Variants in ZCCHC8 observed in about 807,000 individuals in gnomAD.
ZCCHC8 encodes zinc finger CCHC domain-containing protein 8.
Under a neutral mutation model 70.6 loss-of-function variants are expected in ZCCHC8, and 27 were observed. The observed-to-expected ratio is 0.38, with a 90% CI of 0.28 to 0.53. The LOEUF (loss-of-function observed/expected upper bound fraction) is 0.53, where lower values mean the gene tolerates loss of function less well. ZCCHC8 is among the 20% of genes least tolerant of loss of function. The pLI, the probability that ZCCHC8 is intolerant of heterozygous loss-of-function variation, is 0.81. For synonymous variants in ZCCHC8, 293 were observed against 317.4 expected (o/e 0.92, Z 0.82); for missense variants, 737 against 876.9 (o/e 0.84, Z 2.01).
intron 2 of ZCCHC8, among the ~76,000 whole-genome samples, chr12:122,497,596 T>G (rs1394032447): frequency 6.6e-6 from 1 of 152,118 alleles, no homozygotes; most frequent in Non-Finnish European, 1.5e-5. Flanking sequence ...TCATGGCACC[T>G]CCAAATTCTG....
At chr12:122,495,827 G>A (rs1338506886) in intron 2 of ZCCHC8, among the ~76,000 whole-genome samples, 2 of 119,646 alleles carry the variant, frequency 1.7e-5, no homozygotes, top group Non-Finnish European at 3.3e-5. Flanking sequence ...CAGCCTGGGC[G>A]ATAGAGTGAC....
At position 122,500,906 on chromosome 12, in the gene ZCCHC8, G is replaced by A. The variant is rs908827126; in HGVS notation, c.-66C>T. On this transcript the variant is annotated 5_prime_UTR_variant, in exon 1 of 14. Transcript: ENST00000633063. The surrounding 1 kb of genome is among the most constrained non-coding windows in gnomAD (Gnocchi z 4.8). The stretch of plus-strand genomic sequence containing the variant: ...CACCAGGGCTTGGGGAAGAAGGTTG[G>A]AAGGCGGCACCACTCTCTAGAGCTC... 6 of 1,510,384 alleles carry A rather than the reference G, an allele frequency of 4.0e-6. No individual in the cohort carries two copies. In the African/African-American group the frequency reaches 8.3e-5, roughly 21 times the overall value. The allele number at this position is 1,510,384 out of a possible 1,614,324, so 93.6% of individuals were successfully genotyped here. A position where few individuals can be genotyped will look rare whatever the true frequency, so the allele number is the denominator to read the frequency against.
chr12:122,489,340 G>A, intron 5 of ZCCHC8, 46 bp downstream of exon 5: 1 of 1,579,102 alleles, frequency 6.3e-7, no homozygotes, highest in Non-Finnish European at 8.7e-7. Flanking sequence ...ACATAGGATA[G>A]GAAACACCTA....
chr12:122,491,742 C>A (rs1216268942), intron 3 of ZCCHC8, among the ~76,000 whole-genome samples: 1 of 151,306 alleles, frequency 6.6e-6, no homozygotes, highest in African/African-American at 2.4e-5. Context: ...GCAGGAGAAT[C>A]ACTTGAACCT....
chr12:122,498,714 A>C, intron 2 of ZCCHC8, 113 bp downstream of exon 2: 1 of 1,049,558 alleles, frequency 9.5e-7, no homozygotes, highest in Non-Finnish European at 1.4e-6. Flanking sequence ...ATGCTAAACA[A>C]ATAAAAATGA....
At chr12:122,493,458 T>C (rs1957780167) in intron 2 of ZCCHC8, among the ~76,000 whole-genome samples, 1 of 152,212 alleles carries the variant, frequency 6.6e-6, no homozygotes, top group South Asian at 2.1e-4. Flanking sequence ...TCTCGCTCTG[T>C]TGCCCAGGCT....
Position 122,500,846 on chromosome 12 carries a change from G to C in ZCCHC8, c.-6C>G. On this transcript the variant is annotated 5_prime_UTR_variant, in exon 1 of 14. Coordinates refer to ENST00000633063, the MANE Select transcript of ZCCHC8 (RefSeq NM_017612.5). This position sits in a 1 kb window ranked among gnomAD's most constrained non-coding sequence, Gnocchi z 4.8. ...AAATACACCTCTGCGGCCATTTTGG[G>C]CTGTGGAAAAGATTCGAGAAGAGGC... 3 of 1,563,476 alleles carry C rather than the reference G, an allele frequency of 1.9e-6. No individual in the cohort carries two copies. The highest frequency in any genetic ancestry group is 2.6e-6 in the Non-Finnish European group (3 of 1,154,332).
chr12:122,481,538 T>C lies in ZCCHC8; in HGVS notation c.1002A>G (p.Ala334=). The part of the protein sequence containing the change: ...KEAELENSGL[A]LYDGKDGTDG... ...ATACTATACCTTTTCCATCATAGAG[T>C]GCAAGCCCCGAATTCTCCAATTCAG... Residue 334 remains alanine, a synonymous_variant, in exon 10 of 14, where the codon GCA becomes GCG. Coordinates refer to ENST00000633063, the MANE Select transcript of ZCCHC8 (RefSeq NM_017612.5). The C allele has an allele frequency of 6.2e-7, 1 of 1,613,246 alleles. No individual in the cohort carries two copies. The highest frequency in any genetic ancestry group is 8.5e-7 in the Non-Finnish European group (1 of 1,179,770).
In ZCCHC8 at chr12:122,489,128, A is replaced by C. The variant is rs144439837; in HGVS notation, c.501+258T>G. 2.8e-3 allele frequency among the ~76,000 whole-genome samples: 425 copies of C among 152,240 alleles called. No homozygotes were observed. The highest frequency in any genetic ancestry group is 8.9e-3 in the African/African-American group (371 of 41,534). On this transcript the variant is annotated intron_variant, in intron 5 of 13. Transcript: ENST00000633063. ...AGCATGCTTTCTATATCTTCATCCAACTTCTTGAATAAACACAGTGGTTGG... is the reference window on the plus strand; with the variant it reads ...AGCATGCTTTCTATATCTTCATCCACCTTCTTGAATAAACACAGTGGTTGG...
chr12:122,482,296 GT>G, intron 8 of ZCCHC8: 1 of 475,848 alleles, frequency 2.1e-6, no homozygotes, highest in Non-Finnish European at 3.5e-6. Flanking sequence ...ATTAAATCAA[GT>G]TTTTAGGATA....
chr12:122,477,893 C>T lies in ZCCHC8; in HGVS notation c.1293G>A (p.Gln431=). ...ATCCCGCTGAGTTGCTTTCATTCTT[C>T]TGCTTCTTTGGACTACCTGGGCTAG... ...SHSSPGSPKK[Q]KNESNSAGSP... The change falls in exon 13 of 14, where the codon CAG becomes CAA. Residue 431 remains glutamine (Q), a synonymous_variant. Coordinates refer to ENST00000633063, the MANE Select transcript of ZCCHC8 (RefSeq NM_017612.5). The T allele has an allele frequency of 6.2e-7, 1 of 1,613,504 alleles. No individual in the cohort carries two copies. The highest frequency in any genetic ancestry group is 8.5e-7 in the Non-Finnish European group (1 of 1,179,704).
rs752519392 is a variant in ZCCHC8 at position 122,483,216 on chromosome 12, CA to C, written c.671+62del. The C allele has an allele frequency of 4.7e-6, 7 of 1,474,504 alleles. No individual in the cohort carries two copies. Among genetic ancestry groups the C allele is most frequent in the Non-Finnish European group, 6.4e-6 (7 of 1,085,358 alleles). The allele number at this position is 1,474,504 out of a possible 1,614,324, so 91.3% of individuals were successfully genotyped here. A position where few individuals can be genotyped will look rare whatever the true frequency, so the allele number is the denominator to read the frequency against. On this transcript the variant is annotated intron_variant, in intron 7 of 13. Transcript: ENST00000633063. This position sits in a 1 kb window ranked among gnomAD's most constrained non-coding sequence, Gnocchi z 4.4. ...AGTAAAGAACATGAACTTTTCAAGC[CA>C]AAAGTTTATGATTTTGGTTAAAAAA...
intron 2 of ZCCHC8, among the ~76,000 whole-genome samples, chr12:122,493,351 T>C (rs1266298288): frequency 6.6e-6 from 1 of 152,154 alleles, no homozygotes. Context: ...ACCAAACAGT[T>C]TGTCTAATGG....
intron 11 of ZCCHC8, 159 bp from the exon 12 acceptor site, chr12:122,478,451 A>C: frequency 1.6e-6 from 1 of 612,450 alleles, no homozygotes; most frequent in Non-Finnish European, 2.9e-6. Context: ...AATGTGTTGA[A>C]GGAAAACTAA....
In ZCCHC8 at chr12:122,471,968, T is replaced by C. The variant is rs1175534158; in HGVS notation, c.*1529A>G. On this transcript the variant is annotated 3_prime_UTR_variant, in exon 14 of 14. Transcript: ENST00000633063. ...CAGTTTCAGCTCTATCTTATATATA[T>C]ACCTGACAATTAAAAGCAGTATGTT... The C allele has an allele frequency of 6.6e-6, 1 of 152,204 alleles. No individual in the cohort carries two copies. The highest frequency in any genetic ancestry group is 2.4e-5 in the African/African-American group (1 of 41,458). 9.4% of individuals were successfully genotyped at this position (152,204 alleles called of 1,614,324 possible).
In ZCCHC8 at chr12:122,473,246, T is replaced by C; in HGVS notation, c.*251A>G. ...GGATAGTCACAATCCAAAAATAGTATAAACCTTAACAAACCCTCTCTAAAC... is the reference window on the plus strand; with the variant it reads ...GGATAGTCACAATCCAAAAATAGTACAAACCTTAACAAACCCTCTCTAAAC... On this transcript the variant is annotated 3_prime_UTR_variant, in exon 14 of 14. Coordinates refer to ENST00000633063, the MANE Select transcript of ZCCHC8 (RefSeq NM_017612.5). 1 of 457,718 alleles carries C rather than the reference T, an allele frequency of 2.2e-6. No individual in the cohort carries two copies. Among genetic ancestry groups the C allele is most frequent in the Non-Finnish European group, 3.9e-6 (1 of 259,344 alleles). The allele number at this position is 457,718 out of a possible 1,614,324, so 28.4% of individuals were successfully genotyped here. A position where few individuals can be genotyped will look rare whatever the true frequency, so the allele number is the denominator to read the frequency against.
At chr12:122,481,501 C>A in intron 10 of ZCCHC8, 21 bp downstream of exon 10, 2 of 1,577,802 alleles carry the variant, frequency 1.3e-6, no homozygotes, top group Non-Finnish European at 1.7e-6. Context: ...AAGGTGACTT[C>A]TCTAACTTAA....
chr12:122,488,662 G>A (rs1227035090), intron 5 of ZCCHC8, among the ~76,000 whole-genome samples: 2 of 151,952 alleles, frequency 1.3e-5, no homozygotes, highest in African/African-American at 2.4e-5. Context: ...CACAAAGTCA[G>A]GAGTTCGAGA....
chr12:122,472,346 TACAGGC>T lies in ZCCHC8; in HGVS notation c.*1145_*1150del, dbSNP rs1477238251. 5 of 152,112 alleles carry T rather than the reference TACAGGC, an allele frequency of 3.3e-5. No homozygotes were observed. In the East Asian group the frequency reaches 7.8e-4, roughly 24 times the overall value. 9.4% of individuals were successfully genotyped at this position (152,112 alleles called of 1,614,324 possible). ...CCTCAGCCTCCCGAGTAGCTGGGAT[TACAGGC>T]ATGTACCACCACACCTGGCTAATTT... On this transcript the variant is annotated 3_prime_UTR_variant, in exon 14 of 14. Transcript: ENST00000633063.
Sources: allele counts gnomAD v4.1 joint callset (sites outside exome capture counted in the v4.1 genomes callset), GRCh38; gene constraint gnomAD v4.1.1; non-coding constraint Gnocchi (gnomAD v3.1); transcripts MANE v1.5; gene names NCBI Gene and HGNC (gene_info 2026-07-23, HGNC 2026-07-21).